STK3: variants seen among roughly 807,000 people sequenced by gnomAD.
STK3 encodes the protein serine/threonine kinase 3, also known as serine/threonine-protein kinase 3.
A neutral mutation model predicts 58.0 loss-of-function variants in STK3; 41 were observed. The observed-to-expected ratio is 0.71, with a 90% CI of 0.55 to 0.92. The LOEUF is 0.92. Ranked by LOEUF, STK3 falls within the 40% of genes least tolerant of loss-of-function variation. The pLI, the probability that STK3 is intolerant of heterozygous loss-of-function variation, is 0.00. For synonymous variants in STK3, 170 were observed against 191.0 expected, an observed-to-expected ratio of 0.89 and a Z score of 0.91; for missense variants, 479 against 602.7, an observed-to-expected ratio of 0.79 and a Z score of 2.15.
At chr8:98,394,753 C>T (rs1474498229) in intron 3 of STK3, among the ~76,000 whole-genome samples, 1 of 152,088 alleles carries the variant, frequency 6.6e-6, no homozygotes, top group East Asian at 1.9e-4. Flanking sequence ...AAGAGCACAC[C>T]AACAAATACT....
chr8:98,363,573 G>A, the STK3 span, among the ~76,000 whole-genome samples: 1 of 152,168 alleles, frequency 6.6e-6, no homozygotes, highest in Non-Finnish European at 1.5e-5. Context: ...TATGTGCAGG[G>A]GAAATGTTCT....
intron 6 of STK3, among the ~76,000 whole-genome samples, chr8:98,695,643 G>C (rs944462932): frequency 1.3e-5 from 2 of 152,146 alleles, no homozygotes; most frequent in Admixed American, 1.3e-4. Context: ...GTTTCTCAAA[G>C]ATCAGATAGT....
At chr8:98,414,345 C>A (rs1204665096) in intron 3 of STK3, among the ~76,000 whole-genome samples, 1 of 152,174 alleles carries the variant, frequency 6.6e-6, no homozygotes, top group Non-Finnish European at 1.5e-5. Context: ...CAGGCTTTCC[C>A]ATGCTATTTG....
intron 1 of STK3, among the ~76,000 whole-genome samples, chr8:98,791,687 C>T (rs541753134): frequency 5.9e-5 from 9 of 152,150 alleles, no homozygotes; most frequent in African/African-American, 1.9e-4. Context: ...AACTGATATT[C>T]GACAAAGCAA....
At chr8:98,893,590 G>GAAGGA (rs370549669) in intron 1 of STK3, among the ~76,000 whole-genome samples, 2,499 of 149,740 alleles carry the variant, frequency 0.017, 48 homozygotes, top group South Asian at 0.059. Context: ...AGGAAAGAAA[G>GAAGGA]AAGGAAAGGA....
rs1215461279 is a variant in STK3, at chr8:98,411,272, G to T, written n.484-9759C>A. On this transcript the variant is annotated intron_variant and non_coding_transcript_variant, in intron 3 of 3. Coordinates refer to the STK3 transcript ENST00000517832. The stretch of plus-strand genomic sequence containing the variant: ...CTGCTCTTCTCATGAGAAGCCACTG[G>T]CCTGTGCTTTGAATTTAGTGCAACA... 2.0e-5 allele frequency among the ~76,000 whole-genome samples: 3 copies of T among 152,208 alleles called. No individual in the cohort carries two copies. In the East Asian group the frequency reaches 5.8e-4, roughly 29 times the overall value.
In STK3 at chr8:98,417,381, G is replaced by A. The variant is rs117207992; in HGVS notation, n.484-15868C>T. On this transcript the variant is annotated intron_variant and non_coding_transcript_variant, in intron 3 of 3. Transcript: ENST00000517832. ...TACAAAAAATTAGCTAGGAGTGTTG[G>A]CGCCCACCTGTAATCCCAGGTACTC... 1.0e-3 allele frequency among the ~76,000 whole-genome samples: 157 copies of A among 152,226 alleles called. 2 individuals are homozygous for A. The East Asian group carries it at 0.029, about 28-fold the overall frequency.
chr8:98,722,042 G>T, intron 4 of STK3, among the ~76,000 whole-genome samples: 1 of 151,678 alleles, frequency 6.6e-6, no homozygotes, highest in Non-Finnish European at 1.5e-5. Flanking sequence ...TAACCAAAAA[G>T]GAGTGCAATT....
chr8:98,639,137 T>G (rs1025129967), intron 6 of STK3, among the ~76,000 whole-genome samples: 8 of 148,442 alleles, frequency 5.4e-5, no homozygotes, highest in Non-Finnish European at 1.2e-4. Flanking sequence ...TTGAGCAAGG[T>G]CTTATTCTGT....
At chr8:98,482,477 A>G (rs2131285028) in intron 10 of STK3, among the ~76,000 whole-genome samples, 1 of 152,380 alleles carries the variant, frequency 6.6e-6, no homozygotes, top group African/African-American at 2.4e-5. Context: ...GGCCGGGATT[A>G]GCAATGCCAG....
intron 3 of STK3, among the ~76,000 whole-genome samples, chr8:98,408,225 T>G (rs1374704847): frequency 6.6e-6 from 1 of 152,198 alleles, no homozygotes; most frequent in Non-Finnish European, 1.5e-5. Flanking sequence ...CCCTTCTCCT[T>G]GGCCCTCAGT....
At chr8:98,469,522 G>A (rs969070604) in intron 10 of STK3, among the ~76,000 whole-genome samples, 1 of 152,214 alleles carries the variant, frequency 6.6e-6, no homozygotes, top group African/African-American at 2.4e-5. Flanking sequence ...TGTGGACATG[G>A]AAGCAGAGGC....
chr8:98,441,941 C>T (rs184828919), intron 1 of STK3, among the ~76,000 whole-genome samples: 66 of 152,320 alleles, frequency 4.3e-4, no homozygotes, highest in African/African-American at 1.5e-3. Flanking sequence ...CCAGCTGCCC[C>T]CAGGATACCT....
chr8:98,876,833 T>C (rs1161435426), intron 3 of STK3, among the ~76,000 whole-genome samples: 1 of 152,250 alleles, frequency 6.6e-6, no homozygotes, highest in East Asian at 1.9e-4. Flanking sequence ...TGCTGAGAAC[T>C]GCTGTGCAGA....
chr8:98,612,979 G>GTGA (rs1351538483), intron 6 of STK3, among the ~76,000 whole-genome samples: 1 of 152,196 alleles, frequency 6.6e-6, no homozygotes, highest in Non-Finnish European at 1.5e-5. Flanking sequence ...CAGCAATGAG[G>GTGA]TGATCCTCCC....
At chr8:98,404,677 C>T (rs1162794612) in intron 3 of STK3, among the ~76,000 whole-genome samples, 1 of 30,958 alleles carries the variant, frequency 3.2e-5, no homozygotes, top group Non-Finnish European at 5.4e-5. Context: ...AAGTCTCTGT[C>T]TCAAAAAAAA....
chr8:98,648,602 T>G (rs1389075428), intron 6 of STK3, among the ~76,000 whole-genome samples: 1 of 152,170 alleles, frequency 6.6e-6, no homozygotes, highest in Non-Finnish European at 1.5e-5. Flanking sequence ...GGATATATGA[T>G]GATATCTCAG....
intron 6 of STK3, among the ~76,000 whole-genome samples, chr8:98,612,450 T>C (rs1313560802): frequency 2.0e-5 from 3 of 149,596 alleles, no homozygotes; most frequent in East Asian, 1.9e-4. Flanking sequence ...ATTCTATATA[T>C]ATATCAACCC....
chr8:98,388,864 C>A (rs546968559), upstream of STK3, among the ~76,000 whole-genome samples: 3 of 152,290 alleles, frequency 2.0e-5, no homozygotes, highest in South Asian at 4.1e-4. Flanking sequence ...ACTTTCTGAC[C>A]TGACATTCAA....
Sources: allele counts gnomAD v4.1 joint callset (sites outside exome capture counted in the v4.1 genomes callset), GRCh38; gene constraint gnomAD v4.1.1; transcripts MANE v1.5; gene names NCBI Gene and HGNC (gene_info 2026-07-23, HGNC 2026-07-21).